Variants in TRIM49B observed in about 807,000 individuals in gnomAD.
The protein encoded by TRIM49B is tripartite motif containing 49B.
Under a neutral mutation model 31.8 loss-of-function variants are expected in TRIM49B, and 18 were observed. The observed-to-expected ratio is 0.57, with a 90% CI of 0.39 to 0.84. The LOEUF (loss-of-function observed/expected upper bound fraction) is 0.84. TRIM49B is among the 40% of genes least tolerant of loss of function. TRIM49B has a pLI of 0.00. For missense variants in TRIM49B, 494 were observed against 538.7 expected, an observed-to-expected ratio of 0.92 and a Z score of 0.82; for synonymous variants, 196 against 180.6, an observed-to-expected ratio of 1.09 and a Z score of -0.68.
intron 1 of TRIM49B, among the ~76,000 whole-genome samples, chr11:49,029,779 C>A (rs907015609): frequency 2.2e-4 from 34 of 152,166 alleles, no homozygotes; most frequent in Non-Finnish European, 2.4e-4. Context: ...ATTTATCGGC[C>A]ATTTGAGTCA....
rs751885942 is a variant in TRIM49B at position 49,037,651 on chromosome 11, G to T, written c.1033G>T (p.Val345Phe). ...CACCTCGGGCAAATATTACTGGGAG[G>T]TCCATGTAGGGGACTCCTGGAATTG... Reference protein sequence around the residue: ...TFTSGKYYWEVHVGDSWNWAF... With the variant: ...TFTSGKYYWEFHVGDSWNWAF... The change falls in exon 7 of 7, where the codon GTC becomes TTC. Residue 345 changes from valine (V) to phenylalanine (F), a missense_variant. Coordinates refer to ENST00000332682, the MANE Select transcript of TRIM49B (RefSeq NM_001206626.2). The T allele has an allele frequency of 6.2e-6, 10 of 1,613,850 alleles. No homozygotes were observed. The Admixed American group carries it at 1.2e-4, about 19-fold the overall frequency.
At chr11:49,029,613 G>T (rs1379341851) in intron 1 of TRIM49B, among the ~76,000 whole-genome samples, 1 of 152,154 alleles carries the variant, frequency 6.6e-6, no homozygotes, top group Non-Finnish European at 1.5e-5. Context: ...ATTTTTCACT[G>T]CTTTCACTTA....
intron 1 of TRIM49B, among the ~76,000 whole-genome samples, chr11:49,029,442 C>G (rs1163603699): frequency 6.6e-6 from 1 of 152,166 alleles, no homozygotes; most frequent in Non-Finnish European, 1.5e-5. Context: ...AAATATCCTA[C>G]TTTAGAAATC....
chr11:49,036,519 A>G (rs1315410554), intron 6 of TRIM49B, 121 bp downstream of exon 6: 5 of 631,404 alleles, frequency 7.9e-6, no homozygotes, highest in Non-Finnish European at 1.3e-5. Flanking sequence ...AGTGAACAAT[A>G]TAACCATGCA....
intron 1 of TRIM49B, among the ~76,000 whole-genome samples, chr11:49,029,462 T>C (rs1457270806): frequency 6.6e-6 from 1 of 152,190 alleles, no homozygotes; most frequent in Admixed American, 6.5e-5. Context: ...CAAAACACAA[T>C]TTTTTGAACA....
chr11:49,037,568 A>T lies in TRIM49B; in HGVS notation c.950A>T (p.Asp317Val). The change falls in exon 7 of 7, where the codon GAT (aspartate) becomes GTT (valine). Residue 317 changes from aspartate (D) to valine (V), a missense_variant. Physicochemically the swap from Asp to Val is radical, Grantham distance 152. Around this residue, in one of 3 missense-constraint regions of TRIM49B, gnomAD observed 233 missense variants for 281.4 expected, o/e 0.83. Coordinates refer to ENST00000332682, the MANE Select transcript of TRIM49B (RefSeq NM_001206626.2). ...RSMCIGCDHQ[D>V]VPYFTATPRS... ...ATGTGTATTGGATGTGACCATCAAG[A>T]TGTACCCTATTTCACTGCAACACCT... 1 of 1,614,152 alleles carries T rather than the reference A, an allele frequency of 6.2e-7. No homozygotes were observed. Among genetic ancestry groups the T allele is most frequent in the Non-Finnish European group, 8.5e-7 (1 of 1,180,034 alleles).
chr11:49,037,562 A>G lies in TRIM49B; in HGVS notation c.944A>G (p.His315Arg), dbSNP rs763946483. The G allele has an allele frequency of 2.5e-6, 4 of 1,614,160 alleles. No individual in the cohort carries two copies. Among genetic ancestry groups the G allele is most frequent in the South Asian group, 2.2e-5 (2 of 91,076 alleles). Residue 315 changes from histidine to arginine, a missense_variant, in exon 7 of 7, where the codon CAT becomes CGT. Coordinates refer to ENST00000332682, the MANE Select transcript of TRIM49B (RefSeq NM_001206626.2). ...AGAAGCATGTGTATTGGATGTGACC[A>G]TCAAGATGTACCCTATTTCACTGCA... ...ILRSMCIGCD[H>R]QDVPYFTATP...
At chr11:49,030,798 A>G (rs1331279126) in intron 1 of TRIM49B, among the ~76,000 whole-genome samples, 1 of 152,202 alleles carries the variant, frequency 6.6e-6, no homozygotes, top group Non-Finnish European at 1.5e-5. Flanking sequence ...CCATCACACC[A>G]TGGAAATATA....
At chr11:49,029,070 A>G (rs1238897481) in intron 1 of TRIM49B, 95 bp downstream of exon 1, 3 of 152,366 alleles carry the variant, frequency 2.0e-5, no homozygotes, top group African/African-American at 4.8e-5. Flanking sequence ...AATCTACACA[A>G]TGATACCATT....
chr11:49,034,025 C>G, intron 3 of TRIM49B, 121 bp from the exon 4 acceptor site: 1 of 1,551,062 alleles, frequency 6.4e-7, no homozygotes, highest in Non-Finnish European at 8.8e-7. Context: ...TTTGTAGATT[C>G]TAAGAACTGG....
chr11:49,037,209 G>A (rs533308127), intron 6 of TRIM49B, among the ~76,000 whole-genome samples: 3 of 152,224 alleles, frequency 2.0e-5, no homozygotes, highest in South Asian at 2.1e-4. Flanking sequence ...TACATTTAGG[G>A]CATACAATGT....
chr11:49,030,976 CTTG>C (rs1307116839), intron 1 of TRIM49B, among the ~76,000 whole-genome samples: 2 of 150,428 alleles, frequency 1.3e-5, no homozygotes, highest in Non-Finnish European at 3.0e-5. Flanking sequence ...CAGTCTTTTT[CTTG>C]TTTATTTGGT....
At chr11:49,031,464 A>T in intron 1 of TRIM49B, 132 bp from the exon 2 acceptor site, 3 of 1,481,954 alleles carry the variant, frequency 2.0e-6, no homozygotes, top group Non-Finnish European at 2.7e-6. Context: ...AGTTTGTAAC[A>T]GAAGAAATAG....
chr11:49,035,153 A>G, intron 5 of TRIM49B, 36 bp downstream of exon 5: 9 of 1,603,628 alleles, frequency 5.6e-6, no homozygotes, highest in Non-Finnish European at 7.6e-6. Context: ...TATGTTCTTT[A>G]AGATTCCACG....
chr11:49,031,978 T>C lies in TRIM49B; in HGVS notation c.379T>C (p.Cys127Arg), dbSNP rs1431367712. ...SSQEHRDHRH[C>R]PIESAAEEHQ... ...TCAGGAGCACCGGGATCACAGACAC[T>C]GTCCCATTGAGTCGGCTGCTGAGGA... is the stretch of plus-strand genomic sequence containing the variant. The change falls in exon 2 of 7, where the codon TGT becomes CGT. Residue 127 changes from cysteine to arginine, a missense_variant. Coordinates refer to ENST00000332682, the MANE Select transcript of TRIM49B (RefSeq NM_001206626.2). 6.2e-6 allele frequency: 10 copies of C among 1,612,022 alleles called. No individual in the cohort carries two copies. In the South Asian group the frequency reaches 6.6e-5, roughly 11 times the overall value.
intron 6 of TRIM49B, among the ~76,000 whole-genome samples, chr11:49,036,902 G>A (rs1854536501): frequency 6.6e-6 from 1 of 152,094 alleles, no homozygotes; most frequent in African/African-American, 2.4e-5. Flanking sequence ...GTGAATATAA[G>A]TAAAATTACA....
chr11:49,032,425 G>C lies in TRIM49B; in HGVS notation c.507+54G>C, dbSNP rs373040899. 3.1e-6 allele frequency: 5 copies of C among 1,609,598 alleles called. No individual in the cohort carries two copies. The African/African-American group carries it at 6.7e-5, about 22-fold the overall frequency. On this transcript the variant is annotated intron_variant, in intron 3 of 6. Coordinates refer to ENST00000332682, the MANE Select transcript of TRIM49B (RefSeq NM_001206626.2). ...AGGAACTTATGGTGGGCAAATGGGT[G>C]ACTCTTAAAATAGGAACTGGATATC...
intron 1 of TRIM49B, among the ~76,000 whole-genome samples, chr11:49,030,163 A>C (rs1854427305): frequency 6.6e-6 from 1 of 151,950 alleles, no homozygotes; most frequent in South Asian, 2.1e-4. Flanking sequence ...GCAAAACCCC[A>C]TCTCTACTAA....
chr11:49,032,839 G>A (rs552661892), intron 3 of TRIM49B, among the ~76,000 whole-genome samples: 2 of 152,198 alleles, frequency 1.3e-5, no homozygotes, highest in East Asian at 1.9e-4. Flanking sequence ...CAAATCTAGG[G>A]AAACCATGAA....
Sources: gnomAD v4.1 joint callset for allele counts (sites outside exome capture counted in the v4.1 genomes callset) on GRCh38, gnomAD v4.1.1 for gene constraint, gnomAD v4.1.1 regional missense constraint, MANE v1.5 for transcripts, NCBI Gene and HGNC (gene_info 2026-07-23, HGNC 2026-07-21) for gene names.